The following LMF1 variants were observed in gnomAD, a reference collection of about 807,000 sequenced individuals.
LMF1 encodes the protein lipase maturation factor 1.
LMF1 carries 68 observed loss-of-function variants against 60.6 expected under a neutral mutation model. That is an observed-to-expected ratio of 1.12 (90% confidence interval 0.92 to 1.37). The LOEUF (loss-of-function observed/expected upper bound fraction) is 1.37. Among genes scored for constraint, LMF1 ranks in the 40% most tolerant of loss-of-function variants. The pLI is 0.00. For synonymous variants in LMF1, 418 were observed against 324.7 expected (o/e 1.29, Z -3.09); for missense variants, 948 against 767.2 (o/e 1.24, Z -2.78).
Position 879,604 on chromosome 16 carries a change from C to T in LMF1, c.863G>A (p.Cys288Tyr), listed in dbSNP as rs2070100982. 1 of 1,613,124 alleles carries T rather than the reference C, an allele frequency of 6.2e-7. No homozygotes were observed. The highest frequency in any genetic ancestry group is 8.5e-7 in the Non-Finnish European group (1 of 1,179,704). ...PFFLFLGRRA[C>Y]IIHGVLQILF... ...GATCTGCAGCACCCCGTGGATGATG[C>T]ACGCCCGCCGGCCGAGGAAGAGGAA... Residue 288 changes from cysteine (C) to tyrosine (Y), a missense_variant, in exon 6 of 11, where the codon TGC becomes TAC. Physicochemically the swap from Cys to Tyr is radical, Grantham distance 194. Coordinates refer to ENST00000262301, the MANE Select transcript of LMF1 (RefSeq NM_022773.4).
chr16:949,740 C>T (rs1217710167), intron 2 of LMF1, among the ~76,000 whole-genome samples: 1 of 97,528 alleles, frequency 1.0e-5, no homozygotes, highest in African/African-American at 6.0e-5. Flanking sequence ...ACGACAGAGT[C>T]AGAGACGACA....
At chr16:891,637 C>A (rs2070492492) in intron 5 of LMF1, among the ~76,000 whole-genome samples, 1 of 151,968 alleles carries the variant, frequency 6.6e-6, no homozygotes, top group South Asian at 2.1e-4. Flanking sequence ...GACCCCCCCA[C>A]CACTTTCCTG....
At chr16:856,452 T>C (rs977707064) in intron 10 of LMF1, among the ~76,000 whole-genome samples, 6 of 152,088 alleles carry the variant, frequency 3.9e-5, no homozygotes, top group Non-Finnish European at 7.4e-5. Flanking sequence ...GGCAATGCAG[T>C]CCCCAGGCAG....
chr16:888,146 C>T (rs1325948893), intron 5 of LMF1, among the ~76,000 whole-genome samples: 2 of 151,934 alleles, frequency 1.3e-5, no homozygotes, highest in Admixed American at 6.6e-5. Flanking sequence ...GGCCTCGGCC[C>T]AAGCCTTGGG....
chr16:873,752 G>GA (rs1266604958), intron 6 of LMF1: 4 of 152,382 alleles, frequency 2.6e-5, no homozygotes, highest in Admixed American at 2.0e-4. Context: ...GAGAGGAGAT[G>GA]AGGGCAGAAG....
At chr16:928,190 A>C (rs951342324) in intron 3 of LMF1, among the ~76,000 whole-genome samples, 9 of 152,182 alleles carry the variant, frequency 5.9e-5, no homozygotes, top group African/African-American at 2.2e-4. Flanking sequence ...CGCACCCGCT[A>C]CGTGGATGGG....
chr16:880,246 C>T (rs1343807711), intron 5 of LMF1, among the ~76,000 whole-genome samples: 25 of 151,720 alleles, frequency 1.6e-4, no homozygotes, highest in Non-Finnish European at 1.5e-5. Flanking sequence ...CAGCTCAAGG[C>T]TCTAAGCGCA....
At chr16:936,168 C>G (rs12598230) in intron 2 of LMF1, among the ~76,000 whole-genome samples, 1,360 of 97,446 alleles carry the variant, frequency 0.014, no homozygotes, top group African/African-American at 0.016. Context: ...GGCTGGGAGA[C>G]AGAGGGGGCA....
At chr16:952,310 C>CT (rs1425661778) in intron 2 of LMF1, among the ~76,000 whole-genome samples, 2 of 150,612 alleles carry the variant, frequency 1.3e-5, no homozygotes, top group East Asian at 1.9e-4. Context: ...AAGTGGGGAC[C>CT]CCCCCCCACA....
intron 5 of LMF1, among the ~76,000 whole-genome samples, chr16:882,736 C>A (rs2070195787): frequency 1.4e-5 from 2 of 146,282 alleles, no homozygotes. Flanking sequence ...GGCAGCAGAG[C>A]CCATCGCAGG....
At chr16:914,328 G>A (rs1412261444) in intron 3 of LMF1, among the ~76,000 whole-genome samples, 1 of 152,088 alleles carries the variant, frequency 6.6e-6, no homozygotes, top group East Asian at 1.9e-4. Context: ...CCCAAATGGG[G>A]AGAAGGCTGG....
chr16:957,259 T>C (rs976892511), intron 1 of LMF1, among the ~76,000 whole-genome samples: 4 of 152,226 alleles, frequency 2.6e-5, no homozygotes, highest in Non-Finnish European at 5.9e-5. Context: ...GGCTTCCTAC[T>C]GCGTGTAGGA....
chr16:915,887 C>T, intron 3 of LMF1, among the ~76,000 whole-genome samples: 1 of 151,362 alleles, frequency 6.6e-6, no homozygotes, highest in South Asian at 2.1e-4. Context: ...GCAGGTGAGA[C>T]TTGGGGGCCT....
chr16:931,335 C>T (rs2071777461), intron 3 of LMF1, among the ~76,000 whole-genome samples: 1 of 152,254 alleles, frequency 6.6e-6, no homozygotes, highest in Admixed American at 6.5e-5. Context: ...CCTCGGGGCA[C>T]GCACTGCCTG....
At chr16:931,597 T>G (rs1327490458) in intron 3 of LMF1, 4 of 1,272,302 alleles carry the variant, frequency 3.1e-6, no homozygotes, top group African/African-American at 1.5e-5. Flanking sequence ...GACCTTCCAG[T>G]GCCTTTGGTC....
At chr16:906,725 A>T (rs1489462050) in intron 4 of LMF1, among the ~76,000 whole-genome samples, 1 of 152,208 alleles carries the variant, frequency 6.6e-6, no homozygotes, top group Non-Finnish European at 1.5e-5. Context: ...AAATCCTGGA[A>T]TCAAGTAGTG....
chr16:962,633 A>G lies in LMF1; in HGVS notation c.194-7967T>C, dbSNP rs1206866000. On this transcript the variant is annotated intron_variant, in intron 1 of 10. Coordinates refer to ENST00000262301, the MANE Select transcript of LMF1 (RefSeq NM_022773.4). This position sits in a 1 kb window ranked among gnomAD's most constrained non-coding sequence, Gnocchi z 4.5. ...ACACCAGACGGACCCAACGTGAGGG[A>G]CGCTCTACAGACGCCATGACAGGCC... Among the ~76,000 whole-genome samples the G allele has an allele frequency of 6.6e-6, 1 of 152,168 alleles. No individual in the cohort carries two copies. The highest frequency in any genetic ancestry group is 1.5e-5 in the Non-Finnish European group (1 of 68,018).
intron 1 of LMF1, among the ~76,000 whole-genome samples, chr16:958,074 C>T (rs142057009): frequency 1.5e-3 from 230 of 152,318 alleles, no homozygotes; most frequent in African/African-American, 5.2e-3. Flanking sequence ...ACACACTTCA[C>T]ACCTTACACA....
chr16:908,909 T>C (rs1042196090), intron 4 of LMF1, among the ~76,000 whole-genome samples: 1 of 152,184 alleles, frequency 6.6e-6, no homozygotes, highest in African/African-American at 2.4e-5. Flanking sequence ...GAAGCTGGCA[T>C]GCCACAGAGG....
Sources: gnomAD v4.1 joint callset for allele counts (sites outside exome capture counted in the v4.1 genomes callset) on GRCh38, gnomAD v4.1.1 for gene constraint, Gnocchi (gnomAD v3.1) non-coding constraint, MANE v1.5 for transcripts, NCBI Gene and HGNC (gene_info 2026-07-23, HGNC 2026-07-21) for gene names.